CALN1: variants seen among roughly 807,000 people sequenced by gnomAD.
CALN1 encodes calcium-binding protein 8.
Under a neutral mutation model 30.6 loss-of-function variants are expected in CALN1, and 17 were observed. The ratio of observed to expected loss-of-function variants is 0.56; its 90% CI spans 0.38 to 0.83. CALN1 has a LOEUF of 0.83. Ranked by LOEUF, CALN1 falls within the 40% of genes least tolerant of loss-of-function variation. The pLI is 0.00. For synonymous variants in CALN1, 156 were observed against 131.4 expected (o/e 1.19, Z -1.28); for missense variants, 291 against 354.9 (o/e 0.82, Z 1.45).
chr7:72,326,210 A>G (rs1801266025), intron 2 of CALN1, among the ~76,000 whole-genome samples: 1 of 152,130 alleles, frequency 6.6e-6, no homozygotes, highest in East Asian at 1.9e-4. Flanking sequence ...GCCTTAATTT[A>G]ACTATTGAAA....
At chr7:72,168,303 G>T (rs181261857) in intron 3 of CALN1, among the ~76,000 whole-genome samples, 2 of 151,674 alleles carry the variant, frequency 1.3e-5, no homozygotes, top group African/African-American at 4.8e-5. Context: ...ACAGTCCAAC[G>T]ATCTATAATC....
Position 72,344,843 on chromosome 7 carries a change from A to AGT in CALN1, c.119+58406_119+58407dup, listed in dbSNP as rs1343533126. ...TAAATATTATACATTAAAAAATATA[A>AGT]GTATATATAGCATATATTTATATAA... On this transcript the variant is annotated intron_variant, in intron 2 of 6. Coordinates refer to ENST00000395275, the MANE Select transcript of CALN1 (RefSeq NM_031468.4). Among the ~76,000 whole-genome samples the AGT allele has an allele frequency of 2.0e-5, 3 of 147,628 alleles. No individual in the cohort carries two copies. The East Asian group carries it at 5.8e-4, about 29-fold the overall frequency.
intron 3 of CALN1, among the ~76,000 whole-genome samples, chr7:72,274,214 A>G (rs912340516): frequency 4.6e-5 from 7 of 152,180 alleles, no homozygotes; most frequent in Non-Finnish European, 8.8e-5. Context: ...TAAGATTAAG[A>G]TAGCATTACA....
intron 2 of CALN1, among the ~76,000 whole-genome samples, chr7:72,303,662 G>A (rs932716786): frequency 3.3e-5 from 5 of 151,708 alleles, no homozygotes; most frequent in South Asian, 4.2e-4. Context: ...GAGTGGGCTC[G>A]CCCTCCCTCC....
chr7:72,314,360 C>CACATAT (rs1800271834), intron 2 of CALN1, among the ~76,000 whole-genome samples: 6 of 4,626 alleles, frequency 1.3e-3, no homozygotes, highest in African/African-American at 1.6e-3. Context: ...CATATATATA[C>CACATAT]ATATACATAT....
intron 3 of CALN1, among the ~76,000 whole-genome samples, chr7:72,225,580 T>G (rs562450263): frequency 1.3e-5 from 2 of 152,152 alleles, no homozygotes; most frequent in East Asian, 3.9e-4. Flanking sequence ...TGAAGACTGA[T>G]AATTCCACGT....
At chr7:72,456,639 C>T in the CALN1 span, among the ~76,000 whole-genome samples, 4 of 152,032 alleles carry the variant, frequency 2.6e-5, no homozygotes, top group African/African-American at 9.7e-5. Context: ...ACTGCTTGAG[C>T]CCAAGAACTC....
intron 5 of CALN1, among the ~76,000 whole-genome samples, chr7:71,851,015 C>A (rs1441943089): frequency 6.6e-6 from 1 of 152,020 alleles, no homozygotes; most frequent in Non-Finnish European, 1.5e-5. Flanking sequence ...GAGGTCAAGA[C>A]CAGCCTGGGC....
At chr7:71,949,557 T>G (rs1173735226) in intron 5 of CALN1, among the ~76,000 whole-genome samples, 4 of 151,600 alleles carry the variant, frequency 2.6e-5, no homozygotes, top group Non-Finnish European at 1.5e-5. Flanking sequence ...AATTTTTGTT[T>G]GTAGTAGAGA....
At position 72,446,052 on chromosome 7, in the gene CALN1, C is replaced by T. The variant is rs1026375111; in HGVS notation, c.-226+990G>A. On this transcript the variant is annotated intron_variant, in intron 1 of 6. Coordinates refer to the CALN1 transcript ENST00000395276. ...TCCTTAGAACCCTGCCTCTAAGCCACAAGAACCCATGCCCCCGGGACCCCC... is the reference window on the plus strand; with the variant it reads ...TCCTTAGAACCCTGCCTCTAAGCCATAAGAACCCATGCCCCCGGGACCCCC... Among the ~76,000 whole-genome samples, 4 of 152,210 alleles carry T rather than the reference C, an allele frequency of 2.6e-5. No individual in the cohort carries two copies. The East Asian group carries it at 5.8e-4, about 22-fold the overall frequency.
rs531880934 is a variant in CALN1 at position 72,133,675 on chromosome 7, G to A, written c.245-27381C>T. On this transcript the variant is annotated intron_variant, in intron 3 of 6. Coordinates refer to ENST00000395275, the MANE Select transcript of CALN1 (RefSeq NM_031468.4). Reference sequence around the variant, plus strand: ...GAAAGAGCCACTTTAGAGTGGAAAAGCCTGGCGGACTCCACCTGAATTCAA... The same window carrying A: ...GAAAGAGCCACTTTAGAGTGGAAAAACCTGGCGGACTCCACCTGAATTCAA... Among the ~76,000 whole-genome samples the A allele has an allele frequency of 2.0e-5, 3 of 152,188 alleles. No individual in the cohort carries two copies. The East Asian group carries it at 5.8e-4, about 29-fold the overall frequency.
At chr7:72,464,378 T>C in the CALN1 span, among the ~76,000 whole-genome samples, 1 of 152,220 alleles carries the variant, frequency 6.6e-6, no homozygotes, top group Non-Finnish European at 1.5e-5. Context: ...GTATCAATAC[T>C]GACCTGACTT....
chr7:72,463,432 C>T, the CALN1 span, among the ~76,000 whole-genome samples: 2 of 152,136 alleles, frequency 1.3e-5, no homozygotes, highest in African/African-American at 4.8e-5. Context: ...CATCAACCAC[C>T]ACACATGGCC....
At chr7:72,212,839 AG>A (rs1792512151) in intron 3 of CALN1, among the ~76,000 whole-genome samples, 1 of 152,216 alleles carries the variant, frequency 6.6e-6, no homozygotes, top group East Asian at 1.9e-4. Flanking sequence ...AATAAAGAAA[AG>A]GTATTTCTAA....
At chr7:72,384,599 C>A (rs574026021) in intron 2 of CALN1, among the ~76,000 whole-genome samples, 2 of 151,714 alleles carry the variant, frequency 1.3e-5, no homozygotes, top group Non-Finnish European at 1.5e-5. Context: ...CATGTGTGAT[C>A]AGCTACTGCA....
chr7:72,272,751 T>TAG (rs1443130245), intron 3 of CALN1, among the ~76,000 whole-genome samples: 3 of 152,020 alleles, frequency 2.0e-5, no homozygotes, highest in Admixed American at 1.3e-4. Context: ...AATCATGCAG[T>TAG]CACTCCCTAC....
chr7:71,841,576 A>G (rs544350512), intron 5 of CALN1, among the ~76,000 whole-genome samples: 10 of 152,342 alleles, frequency 6.6e-5, no homozygotes, highest in Middle Eastern at 3.4e-3. Context: ...AGCACTATTC[A>G]CAACAGCAAA....
chr7:72,013,681 T>C (rs921933522), intron 5 of CALN1, among the ~76,000 whole-genome samples: 5 of 152,150 alleles, frequency 3.3e-5, no homozygotes, highest in African/African-American at 9.7e-5. Context: ...ATTTTTTCCA[T>C]TTTTTTCTAT....
chr7:72,502,202 A>T, the CALN1 span, among the ~76,000 whole-genome samples: 1 of 149,530 alleles, frequency 6.7e-6, no homozygotes, highest in Non-Finnish European at 1.5e-5. Flanking sequence ...GGACGAGGTC[A>T]GAATATTACA....
Sources: gnomAD v4.1 joint callset for allele counts (sites outside exome capture counted in the v4.1 genomes callset) on GRCh38, gnomAD v4.1.1 for gene constraint, MANE v1.5 for transcripts, NCBI Gene and HGNC (gene_info 2026-07-23, HGNC 2026-07-21) for gene names.